The following AKAP13 variants were observed in gnomAD, a reference collection of about 807,000 sequenced individuals.
The protein encoded by AKAP13 is A-kinase anchoring protein 13, also known as A-kinase anchor protein 13.
Under a neutral mutation model 264.5 loss-of-function variants are expected in AKAP13, and 80 were observed. The observed-to-expected ratio is 0.30, with a 90% CI of 0.25 to 0.36. The LOEUF is 0.36. Among genes scored for constraint, AKAP13 ranks in the 10% least tolerant of loss-of-function variants. The pLI, the probability that AKAP13 is intolerant of heterozygous loss-of-function variation, is 1.00. For synonymous variants in AKAP13, 1,380 were observed against 1,250.2 expected, an observed-to-expected ratio of 1.10 and a Z score of -2.19; for missense variants, 3,712 against 3,435.2, an observed-to-expected ratio of 1.08 and a Z score of -2.01.
At chr15:85,686,225 C>CAG (rs2084919253) in intron 16 of AKAP13, among the ~76,000 whole-genome samples, 1 of 151,236 alleles carries the variant, frequency 6.6e-6, no homozygotes, top group Non-Finnish European at 1.5e-5. Context: ...CATGTACATA[C>CAG]AGATATATAC....
In AKAP13 at chr15:85,587,854, G is replaced by T. The variant is rs372974052; in HGVS notation, c.4161+2031G>T. On this transcript the variant is annotated intron_variant, in intron 8 of 36. Transcript: ENST00000394518. ...GTAGAGATGGGGTTTTGCCATATTG[G>T]CCAGGCTGGTCTCAAACTTCTTATT... Among the ~76,000 whole-genome samples, 153 of 152,202 alleles carry T rather than the reference G, an allele frequency of 1.0e-3. 1 individual carries two copies. The highest frequency in any genetic ancestry group is 3.5e-3 in the African/African-American group (146 of 41,520).
intron 9 of AKAP13, 40 bp downstream of exon 9, chr15:85,639,489 C>G: frequency 7.0e-7 from 1 of 1,425,364 alleles, no homozygotes; most frequent in South Asian, 1.1e-5. Flanking sequence ...GAGCTGCAGC[C>G]CCACTCTGGC....
rs144087047 is a variant in AKAP13 at position 85,560,962 on chromosome 15, TC to T, written c.663-14168del. ...ACAACCTTGGCTGCACATTAAAGTCTCTGCAGGAGCTTTAAAAAACACTCAT... is the reference window on the plus strand; with the variant it reads ...ACAACCTTGGCTGCACATTAAAGTCTTGCAGGAGCTTTAAAAAACACTCAT... On this transcript the variant is annotated intron_variant, in intron 5 of 36. Coordinates refer to ENST00000394518, the MANE Select transcript of AKAP13 (RefSeq NM_007200.5). 1.9e-3 allele frequency among the ~76,000 whole-genome samples: 291 copies of T among 152,244 alleles called. 6 individuals carry two copies. The East Asian group carries it at 0.052, about 27-fold the overall frequency.
At chr15:85,472,538 C>T (rs1388902060) in intron 1 of AKAP13, among the ~76,000 whole-genome samples, 2 of 152,296 alleles carry the variant, frequency 1.3e-5, no homozygotes, top group South Asian at 4.1e-4. Flanking sequence ...GATCTTGCTA[C>T]GTTGCCCAGG....
At chr15:85,645,052 G>A (rs986603524) in intron 9 of AKAP13, among the ~76,000 whole-genome samples, 16 of 152,200 alleles carry the variant, frequency 1.1e-4, no homozygotes, top group African/African-American at 1.4e-4. Context: ...CCCAGGAGGT[G>A]GAGGTTGAAG....
intron 1 of AKAP13, among the ~76,000 whole-genome samples, chr15:85,408,253 A>T (rs770092816): frequency 2.0e-5 from 3 of 151,826 alleles, no homozygotes; most frequent in Admixed American, 6.5e-5. Context: ...TGCTTACTGC[A>T]TGCCAGTAAT....
intron 8 of AKAP13, among the ~76,000 whole-genome samples, chr15:85,611,964 A>G (rs975359778): frequency 3.3e-5 from 5 of 152,214 alleles, no homozygotes; most frequent in African/African-American, 4.8e-5. Context: ...TGTAAGGGCC[A>G]GTCTCAAACA....
At chr15:85,449,545 G>A (rs550045417) in intron 1 of AKAP13, among the ~76,000 whole-genome samples, 1 of 152,256 alleles carries the variant, frequency 6.6e-6, no homozygotes, top group African/African-American at 2.4e-5. Flanking sequence ...TCAGTATGAT[G>A]TTGGCTGTGG....
intron 14 of AKAP13, among the ~76,000 whole-genome samples, chr15:85,671,463 GAGAGAGAA>G (rs1364647771): frequency 4.1e-5 from 6 of 147,274 alleles, no homozygotes; most frequent in South Asian, 2.1e-4. Context: ...AAAAAAGAGA[GAGAGAGAA>G]AGACATAATG....
intron 4 of AKAP13, among the ~76,000 whole-genome samples, chr15:85,538,058 T>C (rs1168579628): frequency 1.3e-5 from 2 of 152,226 alleles, no homozygotes; most frequent in African/African-American, 2.4e-5. Context: ...TTTTTTTCTC[T>C]GAGTTTTCCA....
chr15:85,659,514 A>G (rs1043646087), intron 12 of AKAP13, among the ~76,000 whole-genome samples: 3 of 152,206 alleles, frequency 2.0e-5, no homozygotes, highest in Non-Finnish European at 4.4e-5. Context: ...ATTTCAGATA[A>G]TCATGATTCC....
chr15:85,401,068 G>A (rs2071400063), intron 1 of AKAP13, among the ~76,000 whole-genome samples: 1 of 151,630 alleles, frequency 6.6e-6, no homozygotes, highest in Admixed American at 6.6e-5. Flanking sequence ...TACCATGTTC[G>A]TCAAGCTGAT....
chr15:85,519,216 A>C (rs2076721446), intron 2 of AKAP13, among the ~76,000 whole-genome samples: 1 of 152,180 alleles, frequency 6.6e-6, no homozygotes, highest in African/African-American at 2.4e-5. Flanking sequence ...ATGATGGGTA[A>C]ATGAATGGGT....
intron 35 of AKAP13, among the ~76,000 whole-genome samples, chr15:85,742,450 G>A (rs1025336669): frequency 1.3e-5 from 2 of 152,196 alleles, no homozygotes; most frequent in African/African-American, 4.8e-5. Context: ...TGGCAGGATC[G>A]GTGGGAGGCA....
At chr15:85,692,164 TC>T (rs2085321886) in intron 16 of AKAP13, among the ~76,000 whole-genome samples, 1 of 152,134 alleles carries the variant, frequency 6.6e-6, no homozygotes, top group African/African-American at 2.4e-5. Context: ...TCTTCTATCT[TC>T]CCTGCTCACA....
intron 1 of AKAP13, among the ~76,000 whole-genome samples, chr15:85,411,363 G>A (rs1375453762): frequency 2.6e-5 from 4 of 152,236 alleles, no homozygotes; most frequent in Non-Finnish European, 4.4e-5. Context: ...GGAAATATGC[G>A]CAAAGGAGTT....
chr15:85,420,834 G>T (rs1437932848), intron 1 of AKAP13, among the ~76,000 whole-genome samples: 1 of 152,074 alleles, frequency 6.6e-6, no homozygotes, highest in East Asian at 1.9e-4. Context: ...TTAAAAATGA[G>T]AATACTTAAC....
chr15:85,590,644 G>A lies in AKAP13; in HGVS notation c.4161+4821G>A, dbSNP rs138722502. ...GATATTTCTTTATTGGGGTGAAAAT[G>A]TTCACAATTTTTGAGGCAAAGTTAT... On this transcript the variant is annotated intron_variant, in intron 8 of 36. Coordinates refer to ENST00000394518, the MANE Select transcript of AKAP13 (RefSeq NM_007200.5). 5.4e-3 allele frequency among the ~76,000 whole-genome samples: 818 copies of A among 152,254 alleles called. 8 individuals carry two copies. The highest frequency in any genetic ancestry group is 0.019 in the African/African-American group (778 of 41,536).
chr15:85,573,021 C>T (rs746075195), intron 5 of AKAP13, among the ~76,000 whole-genome samples: 4 of 152,174 alleles, frequency 2.6e-5, no homozygotes, highest in African/African-American at 7.2e-5. Context: ...ATGGCTGCTA[C>T]TGTAGCATAT....
Sources: gnomAD v4.1 joint callset for allele counts (sites outside exome capture counted in the v4.1 genomes callset) on GRCh38, gnomAD v4.1.1 for gene constraint, MANE v1.5 for transcripts, NCBI Gene and HGNC (gene_info 2026-07-23, HGNC 2026-07-21) for gene names.